DCBLD1: variants seen among roughly 807,000 people sequenced by gnomAD.
DCBLD1 encodes the protein discoidin, CUB and LCCL domain containing 1, also known as discoidin, CUB and LCCL domain-containing protein 1.
A neutral mutation model predicts 71.5 loss-of-function variants in DCBLD1; 57 were observed. The ratio of observed to expected loss-of-function variants is 0.80; its 90% CI spans 0.64 to 0.99. The LOEUF is 0.99. DCBLD1 is among the 50% of genes least tolerant of loss of function. The pLI is 0.00. For synonymous variants in DCBLD1, 380 were observed against 363.8 expected (o/e 1.04, Z -0.51); for missense variants, 891 against 923.5 (o/e 0.96, Z 0.46).
intron 14 of DCBLD1, among the ~76,000 whole-genome samples, chr6:117,565,376 C>T (rs1779675368): frequency 6.6e-6 from 1 of 152,136 alleles, no homozygotes; most frequent in African/African-American, 2.4e-5. Flanking sequence ...CAGTATTGTT[C>T]TCTGATATTA....
intron 2 of DCBLD1, 57 bp from the exon 3 acceptor site, chr6:117,519,759 C>T: frequency 1.3e-6 from 2 of 1,574,066 alleles, no homozygotes; most frequent in Non-Finnish European, 1.7e-6. Flanking sequence ...TGCCATATAC[C>T]AGTCATTTGT....
chr6:117,509,790 C>T (rs1162069460), intron 2 of DCBLD1, among the ~76,000 whole-genome samples: 1 of 152,150 alleles, frequency 6.6e-6, no homozygotes, highest in Non-Finnish European at 1.5e-5. Flanking sequence ...TCCTGGTAAT[C>T]CAAGAGTTTG....
At position 117,538,731 on chromosome 6, in the gene DCBLD1, G is replaced by A. The variant is rs956430115; in HGVS notation, c.872G>A (p.Arg291Gln). ...DQVHWSPGQA[R>Q]LQDQGPSWAS... ...GTTCACTGGTCTCCTGGCCAAGCCCGACTTCAGGACCAAGGCCCATCATGG... is the reference window on the plus strand; with the variant it reads ...GTTCACTGGTCTCCTGGCCAAGCCCAACTTCAGGACCAAGGCCCATCATGG... The change falls in exon 8 of 15, where the codon CGA becomes CAA. Residue 291 changes from arginine (R) to glutamine (Q), a missense_variant. Transcript: ENST00000338728. 2.2e-5 allele frequency: 35 copies of A among 1,614,022 alleles called. No individual in the cohort carries two copies. Among genetic ancestry groups the A allele is most frequent in the Middle Eastern group, 1.6e-4 (1 of 6,084 alleles).
Position 117,531,620 on chromosome 6 carries a change from G to A in DCBLD1, c.586-640G>A, listed in dbSNP as rs549123371. Reference sequence around the variant, plus strand: ...CTGAGGGGATTCAGGAAGTGAGATGGAGGCTGTCAGCCCTGAGTTGCTCAT... The same window carrying A: ...CTGAGGGGATTCAGGAAGTGAGATGAAGGCTGTCAGCCCTGAGTTGCTCAT... On this transcript the variant is annotated intron_variant, in intron 5 of 14. Transcript: ENST00000338728. 3.0e-4 allele frequency among the ~76,000 whole-genome samples: 46 copies of A among 152,308 alleles called. No individual in the cohort carries two copies. The South Asian group carries it at 5.2e-3, about 17-fold the overall frequency.
chr6:117,504,006 G>C, intron 2 of DCBLD1, 27 bp downstream of exon 2: 1 of 1,610,078 alleles, frequency 6.2e-7, no homozygotes, highest in Non-Finnish European at 8.5e-7. Context: ...AGGTTTCTCT[G>C]AGCATCAAAA....
chr6:117,516,627 A>G (rs549924953), intron 2 of DCBLD1, among the ~76,000 whole-genome samples: 2 of 152,286 alleles, frequency 1.3e-5, no homozygotes, highest in South Asian at 2.1e-4. Flanking sequence ...ACTCTTTAGC[A>G]TGTGTATTGG....
rs1460945266 is a variant in DCBLD1, at chr6:117,548,589, C to T, written c.*150C>T. On this transcript the variant is annotated 3_prime_UTR_variant, in exon 15 of 15. Transcript: ENST00000338728. ...GTGTGATCCAGTAGGATCCTAGAGA[C>T]AACCTGTCATACTGTTTACAAAATT... 6.2e-6 allele frequency: 9 copies of T among 1,453,020 alleles called. No individual in the cohort carries two copies. In the East Asian group the frequency reaches 2.2e-4, roughly 36 times the overall value. The allele number at this position is 1,453,020 out of a possible 1,614,324, so 90.0% of individuals were successfully genotyped here.
chr6:117,564,997 A>G (rs147508841), intron 14 of DCBLD1, among the ~76,000 whole-genome samples: 2 of 152,326 alleles, frequency 1.3e-5, no homozygotes, highest in Admixed American at 1.3e-4. Context: ...CTAAGCATTG[A>G]GGACTCCAAG....
chr6:117,521,583 A>G lies in DCBLD1; in HGVS notation c.512+7A>G, dbSNP rs371712539. ...ATTTGAAGACAGAATACAGGTAAGT[A>G]TAGGTATCCTAACTGTGTTGCAGTC... On this transcript the variant is annotated splice_region_variant and intron_variant, in intron 4 of 14. Transcript: ENST00000338728. The G allele has an allele frequency of 1.1e-4, 178 of 1,561,244 alleles. No homozygotes were observed. The highest frequency in any genetic ancestry group is 6.7e-4 in the African/African-American group (47 of 70,336).
At chr6:117,531,947 A>T (rs1778735508) in intron 5 of DCBLD1, among the ~76,000 whole-genome samples, 2 of 152,194 alleles carry the variant, frequency 1.3e-5, no homozygotes, top group South Asian at 4.1e-4. Context: ...ACTGGATTGG[A>T]TTAGTAAGCT....
intron 2 of DCBLD1, among the ~76,000 whole-genome samples, chr6:117,511,319 T>C (rs1189910180): frequency 6.6e-6 from 1 of 152,196 alleles, no homozygotes; most frequent in East Asian, 1.9e-4. Flanking sequence ...AAATGTTTTT[T>C]AGTCAAAATG....
downstream of DCBLD1, among the ~76,000 whole-genome samples, chr6:117,552,130 G>A (rs1416224951): frequency 2.0e-5 from 3 of 152,106 alleles, no homozygotes; most frequent in Non-Finnish European, 4.4e-5. Context: ...TGTTGTTGTT[G>A]TTGTTTTTTA....
chr6:117,503,624 C>T, intron 1 of DCBLD1, 143 bp from the exon 2 acceptor site: 8 of 735,602 alleles, frequency 1.1e-5, no homozygotes, highest in Non-Finnish European at 1.8e-5. Flanking sequence ...TTTAATAATT[C>T]AGTCTTCTTT....
chr6:117,492,754 C>G (rs1325037784), intron 1 of DCBLD1, among the ~76,000 whole-genome samples: 1 of 152,144 alleles, frequency 6.6e-6, no homozygotes, highest in Admixed American at 6.5e-5. Flanking sequence ...TCTCTCAACT[C>G]TCATGTTTCA....
Position 117,482,867 on chromosome 6 carries a change from C to G in DCBLD1, c.86C>G (p.Pro29Arg). The change falls in exon 1 of 15, where the codon CCG becomes CGG. Residue 29 changes from proline (P) to arginine (R), a missense_variant. Physicochemically the swap from Pro to Arg is moderately radical, Grantham distance 103. Coordinates refer to ENST00000338728, the MANE Select transcript of DCBLD1 (RefSeq NM_001366458.2). ...GCTTTGCTGCTCGCGGTCTCCGCCC[C>G]GCTCCGGCTGCAGGCGGAGGAGCTG... ...LLALLLAVSA[P>R]LRLQAEELGD... 1 of 1,191,614 alleles carries G rather than the reference C, an allele frequency of 8.4e-7. No homozygotes were observed. The highest frequency in any genetic ancestry group is 1.0e-6 in the Non-Finnish European group (1 of 961,456). 73.8% of individuals were successfully genotyped at this position (1,191,614 alleles called of 1,614,324 possible). A position where few individuals can be genotyped will look rare whatever the true frequency, so the allele number is the denominator to read the frequency against.
chr6:117,556,047 C>T (rs999238867), intron 14 of DCBLD1, among the ~76,000 whole-genome samples: 3 of 152,064 alleles, frequency 2.0e-5, no homozygotes, highest in Admixed American at 6.6e-5. Context: ...AGCCTTACAC[C>T]GCTAATAAAA....
intron 1 of DCBLD1, among the ~76,000 whole-genome samples, chr6:117,495,252 G>A (rs1451863676): frequency 2.0e-5 from 3 of 152,126 alleles, no homozygotes; most frequent in Non-Finnish European, 4.4e-5. Flanking sequence ...TTACAGATGA[G>A]GAAAATTGAT....
At chr6:117,534,946 A>C (rs1410171525) in intron 6 of DCBLD1, among the ~76,000 whole-genome samples, 1 of 152,292 alleles carries the variant, frequency 6.6e-6, no homozygotes, top group East Asian at 1.9e-4. Context: ...AATTATATCA[A>C]GATCTCTTAT....
At chr6:117,492,956 C>G (rs1286686838) in intron 1 of DCBLD1, among the ~76,000 whole-genome samples, 2 of 152,120 alleles carry the variant, frequency 1.3e-5, no homozygotes, top group African/African-American at 4.8e-5. Flanking sequence ...CACTTTTATC[C>G]AGGTTTCAGA....
Sources: gnomAD v4.1 joint callset for allele counts (sites outside exome capture counted in the v4.1 genomes callset) on GRCh38, gnomAD v4.1.1 for gene constraint, MANE v1.5 for transcripts, NCBI Gene and HGNC (gene_info 2026-07-23, HGNC 2026-07-21) for gene names.